DIRAS1: variants seen among roughly 807,000 people sequenced by gnomAD.
DIRAS1 encodes DIRAS family GTPase 1, also known as GTP-binding protein Di-Ras1.
DIRAS1 carries 3 observed loss-of-function variants against 11.5 expected under a neutral mutation model. The ratio of observed to expected loss-of-function variants is 0.26; its 90% CI spans 0.12 to 0.67. The LOEUF (loss-of-function observed/expected upper bound fraction) is 0.67. DIRAS1 is among the 30% of genes least tolerant of loss of function. DIRAS1 has a pLI of 0.80. For synonymous variants in DIRAS1, 128 were observed against 125.8 expected, an observed-to-expected ratio of 1.02 and a Z score of -0.12; for missense variants, 212 against 285.3, an observed-to-expected ratio of 0.74 and a Z score of 1.85.
At chr19:2,721,279 C>T (rs1913952040) in intron 1 of DIRAS1, 25 bp downstream of exon 1, 1 of 148,066 alleles carries the variant, frequency 6.8e-6, no homozygotes, top group African/African-American at 2.4e-5. Flanking sequence ...GCGCAGGGAC[C>T]CCCTCCCCGC....
Position 2,718,717 on chromosome 19 carries a change from G to T in DIRAS1, c.-69-842C>A, listed in dbSNP as rs2144682255. On this transcript the variant is annotated intron_variant, in intron 1 of 1. Transcript: ENST00000323469. The surrounding 1 kb of genome is among the most constrained non-coding windows in gnomAD (Gnocchi z 4.2). ...ATTTTATATTTTTAGTAGAGGCAGGGTTTCTCCATGTTGGTCAGGCAGGTC... is the reference window on the plus strand; with the variant it reads ...ATTTTATATTTTTAGTAGAGGCAGGTTTTCTCCATGTTGGTCAGGCAGGTC... Among the ~76,000 whole-genome samples the T allele has an allele frequency of 6.6e-6, 1 of 152,116 alleles. No homozygotes were observed. Among genetic ancestry groups the T allele is most frequent in the East Asian group, 1.9e-4 (1 of 5,174 alleles).
At chr19:2,720,839 A>G (rs1913936132) in intron 1 of DIRAS1, among the ~76,000 whole-genome samples, 1 of 151,694 alleles carries the variant, frequency 6.6e-6, no homozygotes, top group Admixed American at 6.6e-5. Flanking sequence ...GAGGGCGCAG[A>G]GGCACAGTGC....
chr19:2,716,853 A>G lies in DIRAS1; in HGVS notation c.*357T>C, dbSNP rs1399126805. On this transcript the variant is annotated 3_prime_UTR_variant, in exon 2 of 2. Transcript: ENST00000323469. ...GGTCTGGCTGGGGACACCCCAGGGAAAGAGATGGAAACGGGGAAACGCAGC... is the reference window on the plus strand; with the variant it reads ...GGTCTGGCTGGGGACACCCCAGGGAGAGAGATGGAAACGGGGAAACGCAGC... The G allele has an allele frequency of 7.9e-6, 2 of 252,356 alleles. No homozygotes were observed. The highest frequency in any genetic ancestry group is 8.2e-5 in the East Asian group (1 of 12,262). 15.6% of individuals were successfully genotyped at this position (252,356 alleles called of 1,614,324 possible).
rs1370018568 is a variant in DIRAS1 at position 2,717,046 on chromosome 19, G to A, written c.*164C>T. 1 of 680,596 alleles carries A rather than the reference G, an allele frequency of 1.5e-6. No homozygotes were observed. Among genetic ancestry groups the A allele is most frequent in the Non-Finnish European group, 2.4e-6 (1 of 414,080 alleles). The allele number at this position is 680,596 out of a possible 1,614,324, so 42.2% of individuals were successfully genotyped here. A position where few individuals can be genotyped will look rare whatever the true frequency, so the allele number is the denominator to read the frequency against. ...GGAAGAAAAGCCCCAGCCCTGCCTC[G>A]GGGTGGGCAGGGGCAGCGGAGGGGG... On this transcript the variant is annotated 3_prime_UTR_variant, in exon 2 of 2. Coordinates refer to ENST00000323469, the MANE Select transcript of DIRAS1 (RefSeq NM_145173.4).
In DIRAS1 at chr19:2,715,952, A is replaced by G. The variant is rs1913777895; in HGVS notation, c.*1258T>C. On this transcript the variant is annotated 3_prime_UTR_variant, in exon 2 of 2. Coordinates refer to ENST00000323469, the MANE Select transcript of DIRAS1 (RefSeq NM_145173.4). ...TATCTACAACTACCCACCTCTCTGT[A>G]TACCCTACACCACTATTACACACAC... 1 of 152,288 alleles carries G rather than the reference A, an allele frequency of 6.6e-6. No homozygotes were observed. Among genetic ancestry groups the G allele is most frequent in the African/African-American group, 2.4e-5 (1 of 41,434 alleles). The allele number at this position is 152,288 out of a possible 1,614,324, so 9.4% of individuals were successfully genotyped here.
In DIRAS1 at chr19:2,715,993, C is replaced by T. The variant is rs1171604546; in HGVS notation, c.*1217G>A. 6.6e-6 allele frequency: 1 copy of T among 152,320 alleles called. No individual in the cohort carries two copies. 9.4% of individuals were successfully genotyped at this position (152,320 alleles called of 1,614,324 possible). The stretch of plus-strand genomic sequence containing the variant: ...TTACACACACAGACTGCCACAAAAA[C>T]ATATCATCCCAGACAGACACACACA... On this transcript the variant is annotated 3_prime_UTR_variant, in exon 2 of 2. Transcript: ENST00000323469.
intron 1 of DIRAS1, among the ~76,000 whole-genome samples, chr19:2,720,127 G>C (rs1012933435): frequency 2.6e-5 from 4 of 152,170 alleles, no homozygotes; most frequent in African/African-American, 9.7e-5. Flanking sequence ...AGGAGGCTGG[G>C]GGTGCTGGTG....
chr19:2,717,606 C>T lies in DIRAS1; in HGVS notation c.201G>A (p.Gln67=). Residue 67 remains glutamine (Q), a synonymous_variant, in exon 2 of 2, where the codon CAG becomes CAA. Transcript: ENST00000323469. ...TGGACAGGCGCTGCATGGCCGGGAA[C>T]TGGTGGCTGCCGGTGGTGTCTGTGA... ...LQITDTTGSH[Q]FPAMQRLSIS... 1 of 1,613,380 alleles carries T rather than the reference C, an allele frequency of 6.2e-7. No individual in the cohort carries two copies. Among genetic ancestry groups the T allele is most frequent in the South Asian group, 1.1e-5 (1 of 91,088 alleles).
Position 2,717,561 on chromosome 19 carries a change from G to A in DIRAS1, c.246C>T (p.Phe82=). ...TGCTGGTGACGGAGAACACCAGGAT[G>A]AAGGCGTGGCCCTTGGAGATGGACA... is the stretch of plus-strand genomic sequence containing the variant. ...QRLSISKGHA[F]ILVFSVTSKQ... is the part of the protein sequence containing the mutation. Residue 82 remains phenylalanine, a synonymous_variant, in exon 2 of 2, where the codon TTC becomes TTT. Coordinates refer to ENST00000323469, the MANE Select transcript of DIRAS1 (RefSeq NM_145173.4). 1 of 1,613,252 alleles carries A rather than the reference G, an allele frequency of 6.2e-7. No homozygotes were observed. The highest frequency in any genetic ancestry group is 8.5e-7 in the Non-Finnish European group (1 of 1,179,802).
Position 2,717,832 on chromosome 19 carries a change from G to C in DIRAS1, c.-26C>G. On this transcript the variant is annotated 5_prime_UTR_variant, in exon 2 of 2. Coordinates refer to ENST00000323469, the MANE Select transcript of DIRAS1 (RefSeq NM_145173.4). ...CTTCCCCGCGGCGGGTGGGCGGCCG[G>C]GGCCGGGAGGGCTGGTGCCAGCTGC... is the stretch of plus-strand genomic sequence containing the variant. The C allele has an allele frequency of 6.4e-7, 1 of 1,561,388 alleles. No individual in the cohort carries two copies. Among genetic ancestry groups the C allele is most frequent in the Non-Finnish European group, 8.6e-7 (1 of 1,158,128 alleles).
Position 2,718,686 on chromosome 19 carries a change from C to T in DIRAS1, c.-69-811G>A, listed in dbSNP as rs143915969. Among the ~76,000 whole-genome samples the T allele has an allele frequency of 1.3e-3, 195 of 152,212 alleles. No homozygotes were observed. The highest frequency in any genetic ancestry group is 4.4e-3 in the African/African-American group (182 of 41,514). The stretch of plus-strand genomic sequence containing the variant: ...GATTACAGGCATGCACCACAAAGCC[C>T]GGCTAATTTTATATTTTTAGTAGAG... On this transcript the variant is annotated intron_variant, in intron 1 of 1. Coordinates refer to ENST00000323469, the MANE Select transcript of DIRAS1 (RefSeq NM_145173.4). The surrounding 1 kb of genome is among the most constrained non-coding windows in gnomAD (Gnocchi z 4.2).
intron 1 of DIRAS1, among the ~76,000 whole-genome samples, chr19:2,719,701 G>T (rs1246405086): frequency 6.6e-6 from 1 of 151,854 alleles, no homozygotes; most frequent in South Asian, 2.1e-4. Context: ...GGGTCCAGAG[G>T]TTCCCCGGGG....
intron 1 of DIRAS1, among the ~76,000 whole-genome samples, chr19:2,719,952 G>A (rs921030946): frequency 6.6e-6 from 1 of 152,204 alleles, no homozygotes; most frequent in Non-Finnish European, 1.5e-5. Flanking sequence ...ATTATCAAGG[G>A]TAACAGATTT....
rs760410562 is a variant in DIRAS1, at chr19:2,717,534, C to T, written c.273G>A (p.Lys91=). 6.2e-7 allele frequency: 1 copy of T among 1,613,222 alleles called. No individual in the cohort carries two copies. The highest frequency in any genetic ancestry group is 1.7e-5 in the Admixed American group (1 of 60,018). ...TGGGCCCCAGCTCCTCCAGCGACTG[C>T]TTGCTGGTGACGGAGAACACCAGGA... ...AFILVFSVTS[K]QSLEELGPIY... The change falls in exon 2 of 2, where the codon AAG becomes AAA. Residue 91 remains lysine, a synonymous_variant. Transcript: ENST00000323469.
At chr19:2,721,131 G>C (rs932132830) in intron 1 of DIRAS1, among the ~76,000 whole-genome samples, 173 bp downstream of exon 1, 6 of 145,614 alleles carry the variant, frequency 4.1e-5, no homozygotes, top group African/African-American at 1.6e-4. Context: ...GGGCCGGCCG[G>C]GCCCGGCGGG....
At position 2,717,818 on chromosome 19, in the gene DIRAS1, C is replaced by CG. The variant is rs775077221; in HGVS notation, c.-13dup. On this transcript the variant is annotated 5_prime_UTR_variant, in exon 2 of 2. Transcript: ENST00000323469. ...CTCTGTTCCGGCATCTTCCCCGCGG[C>CG]GGGTGGGCGGCCGGGGCCGGGAGGG... is the stretch of plus-strand genomic sequence containing the variant. The CG allele has an allele frequency of 6.3e-7, 1 of 1,579,016 alleles. No individual in the cohort carries two copies.
At chr19:2,721,104 C>G (rs913259807) in intron 1 of DIRAS1, among the ~76,000 whole-genome samples, 200 bp downstream of exon 1, 107 of 148,732 alleles carry the variant, frequency 7.2e-4, no homozygotes, top group Non-Finnish European at 1.2e-3. Context: ...CGGGAGCTGT[C>G]CAAGGTGAGC....
rs1390212229 is a variant in DIRAS1 at position 2,718,823 on chromosome 19, CCTT to C, written c.-69-951_-69-949del. The stretch of plus-strand genomic sequence containing the variant: ...TACAGGCGTGAGCCACTGCACCTGG[CCTT>C]CTTATTTTTTTTAAAACCAAGTCTT... On this transcript the variant is annotated intron_variant, in intron 1 of 1. Transcript: ENST00000323469. The surrounding 1 kb of genome is among the most constrained non-coding windows in gnomAD (Gnocchi z 4.2). Among the ~76,000 whole-genome samples, 4 of 151,818 alleles carry C rather than the reference CCTT, an allele frequency of 2.6e-5. No homozygotes were observed. The highest frequency in any genetic ancestry group is 6.6e-5 in the Admixed American group (1 of 15,226).
chr19:2,717,430 G>T lies in DIRAS1; in HGVS notation c.377C>A (p.Thr126Lys). 6.2e-7 allele frequency: 1 copy of T among 1,608,756 alleles called. No individual in the cohort carries two copies. Residue 126 changes from threonine (T) to lysine (K), a missense_variant, in exon 2 of 2, where the codon ACG becomes AAG. By Grantham distance (78) the Thr-to-Lys change is moderately conservative. Transcript: ENST00000323469. The stretch of plus-strand genomic sequence containing the variant: ...CTCGCGCGTGTCCACCTCCCGCTGC[G>T]TCTCATCGCACTTGTTGCCCACGAG... Reference protein sequence around the residue: ...VMLVGNKCDETQREVDTREAQ... With the variant: ...VMLVGNKCDEKQREVDTREAQ...
Sources: allele counts gnomAD v4.1 joint callset (sites outside exome capture counted in the v4.1 genomes callset), GRCh38; gene constraint gnomAD v4.1.1; non-coding constraint Gnocchi (gnomAD v3.1); transcripts MANE v1.5; gene names NCBI Gene and HGNC (gene_info 2026-07-23, HGNC 2026-07-21).